SNX14: variants seen among roughly 807,000 people sequenced by gnomAD.
The protein encoded by SNX14 is sorting nexin-14.
Under a neutral mutation model 133.8 loss-of-function variants are expected in SNX14, and 93 were observed. That is an observed-to-expected ratio of 0.70 (90% CI 0.59 to 0.83). SNX14 has a LOEUF of 0.83. Ranked by LOEUF, SNX14 falls within the 40% of genes least tolerant of loss-of-function variation. SNX14 has a pLI of 0.00. For synonymous variants in SNX14, 368 were observed against 365.6 expected, an observed-to-expected ratio of 1.01 and a Z score of -0.07; for missense variants, 945 against 1,094.9, an observed-to-expected ratio of 0.86 and a Z score of 1.93.
intron 20 of SNX14, 141 bp downstream of exon 20, chr6:85,528,121 C>A: frequency 2.0e-6 from 1 of 510,912 alleles, no homozygotes; most frequent in Non-Finnish European, 3.2e-6. Flanking sequence ...TTCTAAAATT[C>A]ACAAGGAAAA....
At chr6:85,544,191 C>T (rs1013591365) in intron 12 of SNX14, among the ~76,000 whole-genome samples, 2 of 151,996 alleles carry the variant, frequency 1.3e-5, no homozygotes, top group African/African-American at 4.8e-5. Context: ...AGTGGCAGAA[C>T]TGAGTTTGAA....
intron 1 of SNX14, among the ~76,000 whole-genome samples, chr6:85,588,401 G>A (rs938666031): frequency 3.9e-5 from 6 of 152,006 alleles, no homozygotes; most frequent in East Asian, 1.9e-4. Flanking sequence ...GTGAAACCCC[G>A]TCTCTACTAA....
At chr6:85,513,082 G>A (rs1056115286) in intron 26 of SNX14, among the ~76,000 whole-genome samples, 9 of 152,040 alleles carry the variant, frequency 5.9e-5, no homozygotes, top group South Asian at 2.1e-4. Context: ...TTTGAACCTC[G>A]GTGTCTAAGT....
chr6:85,547,981 A>G (rs1056098463), intron 9 of SNX14, among the ~76,000 whole-genome samples: 1 of 152,232 alleles, frequency 6.6e-6, no homozygotes, highest in Non-Finnish European at 1.5e-5. Context: ...ATGCTAAGTG[A>G]AATAAGCCAG....
chr6:85,572,525 T>C (rs1169249454), intron 2 of SNX14, 151 bp from the exon 3 acceptor site: 1 of 619,526 alleles, frequency 1.6e-6, no homozygotes, highest in Non-Finnish European at 2.8e-6. Context: ...TTCTTTGTAA[T>C]ACATAATACT....
intron 19 of SNX14, among the ~76,000 whole-genome samples, chr6:85,529,553 T>C (rs1264480715): frequency 6.6e-6 from 1 of 152,214 alleles, no homozygotes; most frequent in Non-Finnish European, 1.5e-5. Context: ...AGGATGGTAC[T>C]GCACCAGATT....
chr6:85,520,650 G>A (rs988083022), intron 21 of SNX14, among the ~76,000 whole-genome samples: 23 of 152,100 alleles, frequency 1.5e-4, no homozygotes, highest in African/African-American at 5.1e-4. Flanking sequence ...GAGCCACCAC[G>A]CCCAACGATT....
In SNX14 at chr6:85,536,801, T is replaced by C. The variant is rs1453159034; in HGVS notation, c.1599A>G (p.Glu533=). The part of the protein sequence containing the change: ...MLPNYGVAEG[E]DDFIEEGIVV... ...GATACATTTTACTTACAAAATCATCTTCACCTTCAGCTACACCATAATTAG... is the reference window on the plus strand; with the variant it reads ...GATACATTTTACTTACAAAATCATCCTCACCTTCAGCTACACCATAATTAG... Residue 533 remains glutamate (E), a synonymous_variant, in exon 17 of 29, where the codon GAA becomes GAG. Coordinates refer to ENST00000314673, the MANE Select transcript of SNX14 (RefSeq NM_153816.6). The C allele has an allele frequency of 1.9e-6, 3 of 1,608,216 alleles. No individual in the cohort carries two copies. The highest frequency in any genetic ancestry group is 1.1e-5 in the South Asian group (1 of 90,040).
chr6:85,590,830 A>G (rs908629564), intron 1 of SNX14, among the ~76,000 whole-genome samples: 5 of 152,222 alleles, frequency 3.3e-5, no homozygotes, highest in African/African-American at 1.2e-4. Context: ...ACCTGCTGGC[A>G]TAGCTGCAGC....
At chr6:85,510,822 C>T (rs1481627994) in intron 26 of SNX14, among the ~76,000 whole-genome samples, 3 of 152,168 alleles carry the variant, frequency 2.0e-5, no homozygotes, top group East Asian at 3.8e-4. Context: ...TTCTTGATTA[C>T]TGTAGCTTTA....
chr6:85,591,445 C>T (rs1802728749), intron 1 of SNX14, among the ~76,000 whole-genome samples: 2 of 152,128 alleles, frequency 1.3e-5, no homozygotes, highest in South Asian at 4.1e-4. Flanking sequence ...TATGCAAAAA[C>T]AGCTTCACTC....
At chr6:85,577,509 C>T (rs190474112) in intron 1 of SNX14, among the ~76,000 whole-genome samples, 1 of 152,176 alleles carries the variant, frequency 6.6e-6, no homozygotes, top group African/African-American at 2.4e-5. Flanking sequence ...AAACACGCTA[C>T]ACAGAAATGT....
chr6:85,528,446 C>T (rs1005064355), intron 19 of SNX14, 84 bp from the exon 20 acceptor site: 1 of 1,032,062 alleles, frequency 9.7e-7, no homozygotes, highest in Non-Finnish European at 1.4e-6. Context: ...TTTACTATGG[C>T]ACATTCAGAT....
intron 1 of SNX14, among the ~76,000 whole-genome samples, chr6:85,590,582 A>G (rs1802475730): frequency 1.3e-5 from 2 of 152,138 alleles, no homozygotes; most frequent in South Asian, 4.1e-4. Flanking sequence ...TTCTCTTGAC[A>G]TTTTTTAAGC....
chr6:85,560,208 C>T (rs1791080397), intron 6 of SNX14, among the ~76,000 whole-genome samples: 1 of 151,974 alleles, frequency 6.6e-6, no homozygotes, highest in African/African-American at 2.4e-5. Flanking sequence ...AGGTACATAA[C>T]AGACAAAAGG....
chr6:85,585,144 C>G (rs1325587266), intron 1 of SNX14, among the ~76,000 whole-genome samples: 1 of 151,990 alleles, frequency 6.6e-6, no homozygotes, highest in East Asian at 1.9e-4. Context: ...AACAGAAAAC[C>G]AAACACTGCA....
intron 28 of SNX14, among the ~76,000 whole-genome samples, chr6:85,506,247 T>C (rs758217201): frequency 6.6e-6 from 1 of 152,114 alleles, no homozygotes; most frequent in Non-Finnish European, 1.5e-5. Flanking sequence ...TTGATTCCCA[T>C]GAAAATTAAA....
chr6:85,541,917 A>T (rs1783877196), intron 15 of SNX14, 68 bp downstream of exon 15: 3 of 1,192,074 alleles, frequency 2.5e-6, no homozygotes, highest in Non-Finnish European at 3.5e-6. Context: ...AAAATAGCTA[A>T]TAAAGACAAT....
Position 85,547,202 on chromosome 6 carries a change from T to A in SNX14, c.1018A>T (p.Ile340Phe). 6.2e-7 allele frequency: 1 copy of A among 1,614,138 alleles called. No individual in the cohort carries two copies. The highest frequency in any genetic ancestry group is 1.1e-5 in the South Asian group (1 of 91,082). The change falls in exon 12 of 29, where the codon ATC becomes TTC. Residue 340 changes from isoleucine (I) to phenylalanine (F), a missense_variant. Ile to Phe is a conservative substitution (Grantham distance 21). Transcript: ENST00000314673. ...AATAAAAGATCTTGTTGCTCTCTGA[T>A]TTGCTTCAATTCTAACTTCAGCACC... ...PSVLKLELKQ[I>F]REQQDLLFRF...
Sources: allele counts gnomAD v4.1 joint callset (sites outside exome capture counted in the v4.1 genomes callset), GRCh38; gene constraint gnomAD v4.1.1; transcripts MANE v1.5; gene names NCBI Gene and HGNC (gene_info 2026-07-23, HGNC 2026-07-21).